GMCL1: variants seen among roughly 807,000 people sequenced by gnomAD.
GMCL1 encodes germ cell-less 1, spermatogenesis associated.
GMCL1 carries 54 observed loss-of-function variants against 75.5 expected under a neutral mutation model. The ratio of observed to expected loss-of-function variants is 0.71; its 90% CI spans 0.57 to 0.90. GMCL1 has a LOEUF of 0.90. Ranked by LOEUF, GMCL1 falls within the 40% of genes least tolerant of loss-of-function variation. GMCL1 has a pLI of 0.00. For missense variants in GMCL1, 537 were observed against 622.7 expected, an observed-to-expected ratio of 0.86 and a Z score of 1.47; for synonymous variants, 210 against 209.6, an observed-to-expected ratio of 1.00 and a Z score of -0.02.
At chr2:69,859,918 T>TA (rs200377986) in intron 9 of GMCL1, among the ~76,000 whole-genome samples, 414 of 150,430 alleles carry the variant, frequency 2.8e-3, no homozygotes, top group Non-Finnish European at 4.4e-3. Context: ...TTTAAGAACT[T>TA]AAAAAAAAAT....
chr2:69,840,989 A>G lies in GMCL1; in HGVS notation c.529A>G (p.Lys177Glu). ...ACTGTATCGAGATGATGTCTTGATA[A>G]AGCCCAGTCGAGTTGTTGCCATTTT... ...GSLYRDDVLI[K>E]PSRVVAILAA... Residue 177 changes from lysine (K) to glutamate (E), a missense_variant, in exon 4 of 14, where the codon AAG becomes GAG. Around this residue, in one of 3 missense-constraint regions of GMCL1, gnomAD observed 345 missense variants for 410.5 expected, o/e 0.84. Transcript: ENST00000282570. 1 of 1,614,086 alleles carries G rather than the reference A, an allele frequency of 6.2e-7. No individual in the cohort carries two copies. The highest frequency in any genetic ancestry group is 1.1e-5 in the South Asian group (1 of 91,068).
chr2:69,862,679 A>G (rs967484722), intron 10 of GMCL1, among the ~76,000 whole-genome samples: 1 of 152,110 alleles, frequency 6.6e-6, no homozygotes, highest in Non-Finnish European at 1.5e-5. Flanking sequence ...GAATCGCTTG[A>G]ACCCGGGAGG....
intron 1 of GMCL1, among the ~76,000 whole-genome samples, chr2:69,831,909 A>G (rs533052578): frequency 5.9e-5 from 9 of 152,300 alleles, no homozygotes; most frequent in African/African-American, 9.6e-5. Flanking sequence ...TTGCCAACCT[A>G]TAGCATAGTT....
At chr2:69,866,471 C>T (rs1002164342) in intron 11 of GMCL1, among the ~76,000 whole-genome samples, 15 of 152,038 alleles carry the variant, frequency 9.9e-5, no homozygotes, top group Admixed American at 9.8e-4. Context: ...ATTTTACGTT[C>T]ACATTGATTG....
chr2:69,833,391 G>A (rs762155453), intron 1 of GMCL1, among the ~76,000 whole-genome samples: 1 of 152,100 alleles, frequency 6.6e-6, no homozygotes, highest in Non-Finnish European at 1.5e-5. Context: ...AAGGCAAGCA[G>A]ATCACTTTAG....
At chr2:69,862,807 AAGTG>A (rs1675696269) in intron 10 of GMCL1, among the ~76,000 whole-genome samples, 1 of 152,208 alleles carries the variant, frequency 6.6e-6, no homozygotes, top group South Asian at 2.1e-4. Flanking sequence ...TGAAATCAAA[AAGTG>A]AGCTATTTAA....
Position 69,869,729 on chromosome 2 carries a change from G to A in GMCL1, c.1229G>A (p.Arg410His), listed in dbSNP as rs756300364. ...KLAKDGEYCW[R>H]WTGFNFGFDL... ...TCTTGTATTTTTTAGTACTGCTGGC[G>A]TTGGACAGGTTTTAACTTCGGCTTC... The change falls in exon 12 of 14, where the codon CGT becomes CAT. Residue 410 changes from arginine (R) to histidine (H), a missense_variant. Around this residue, in one of 3 missense-constraint regions of GMCL1, gnomAD observed 345 missense variants for 410.5 expected, o/e 0.84. Transcript: ENST00000282570. The A allele has an allele frequency of 1.4e-5, 23 of 1,613,700 alleles. No individual in the cohort carries two copies. The East Asian group carries it at 2.7e-4, about 19-fold the overall frequency.
Position 69,854,914 on chromosome 2 carries a change from T to C in GMCL1, c.1026T>C (p.Asp342=), listed in dbSNP as rs1295716517. The C allele has an allele frequency of 6.2e-7, 1 of 1,610,660 alleles. No individual in the cohort carries two copies. The change falls in exon 9 of 14, where the codon GAT becomes GAC. Residue 342 remains aspartate, a synonymous_variant. Coordinates refer to ENST00000282570, the MANE Select transcript of GMCL1 (RefSeq NM_178439.5). ...RHLRLQYIIS[D]LASARIIEQD... is the part of the protein sequence containing the mutation. ...TAAGGTTACAATATATTATCAGTGA[T>C]CTGGCTTCTGCAAGAATTATTGAAC...
intron 10 of GMCL1, among the ~76,000 whole-genome samples, chr2:69,863,042 T>C (rs1243214918): frequency 2.0e-5 from 3 of 152,214 alleles, no homozygotes; most frequent in Non-Finnish European, 4.4e-5. Flanking sequence ...GATACTGCAC[T>C]AGAATAAGTC....
chr2:69,833,088 T>C (rs1280379321), intron 1 of GMCL1, among the ~76,000 whole-genome samples: 1 of 152,204 alleles, frequency 6.6e-6, no homozygotes, highest in Non-Finnish European at 1.5e-5. Context: ...GGACACTGCC[T>C]ACTAGGATGC....
At chr2:69,863,471 A>G (rs992558353) in intron 10 of GMCL1, among the ~76,000 whole-genome samples, 5 of 152,178 alleles carry the variant, frequency 3.3e-5, no homozygotes, top group African/African-American at 4.8e-5. Context: ...ACTCTTGTCT[A>G]TGTTGCCAAG....
chr2:69,869,384 C>T (rs530223692), intron 11 of GMCL1, among the ~76,000 whole-genome samples: 13 of 134,702 alleles, frequency 9.7e-5, no homozygotes, highest in Non-Finnish European at 1.5e-4. Flanking sequence ...TGCCACTGCA[C>T]TCCAGCCTGA....
chr2:69,839,530 C>T lies in GMCL1; in HGVS notation c.458C>T (p.Pro153Leu), dbSNP rs1674921819. The change falls in exon 3 of 14, where the codon CCT becomes CTT. Residue 153 changes from proline to leucine, a missense_variant. Pro to Leu is a moderately conservative substitution (Grantham distance 98). Around this residue, in one of 3 missense-constraint regions of GMCL1, gnomAD observed 48 missense variants for 85.0 expected, o/e 0.56. Transcript: ENST00000282570. ...ATGAATATTATTGAACTGGAGATTC[C>T]TGACCAGAACATTGATGTAGAAGGT... ...SSMNIIELEI[P>L]DQNIDVEALQ... The T allele has an allele frequency of 1.3e-6, 2 of 1,592,052 alleles. No homozygotes were observed. Among genetic ancestry groups the T allele is most frequent in the African/African-American group, 2.7e-5 (2 of 74,498 alleles).
chr2:69,871,158 G>GACC (rs758697649), intron 12 of GMCL1, among the ~76,000 whole-genome samples: 10,351 of 152,066 alleles, frequency 0.068, 922 homozygotes, highest in Admixed American at 0.22. Context: ...AACAAAATGT[G>GACC]GTATATACAT....
intron 11 of GMCL1, chr2:69,869,417 CAAAAA>C (rs34136837): frequency 1.5e-3 from 94 of 64,016 alleles, no homozygotes; most frequent in South Asian, 7.6e-3. Flanking sequence ...GACTCTGTCT[CAAAAA>C]AAAAAAAAAA....
intron 1 of GMCL1, among the ~76,000 whole-genome samples, chr2:69,835,578 A>C (rs1198332855): frequency 6.6e-6 from 1 of 152,128 alleles, no homozygotes; most frequent in African/African-American, 2.4e-5. Flanking sequence ...TTGAGTAAGA[A>C]GACTACGAAG....
intron 7 of GMCL1, among the ~76,000 whole-genome samples, chr2:69,847,966 A>C (rs1290850543): frequency 6.6e-6 from 1 of 152,156 alleles, no homozygotes; most frequent in African/African-American, 2.4e-5. Flanking sequence ...TCAGTTAATG[A>C]TGGCATTTTT....
chr2:69,834,269 A>T (rs1283209240), intron 1 of GMCL1, among the ~76,000 whole-genome samples: 2 of 151,868 alleles, frequency 1.3e-5, no homozygotes, highest in African/African-American at 2.4e-5. Context: ...TAAAACCTAG[A>T]CCTCTTCCAT....
chr2:69,857,495 C>T (rs1017424987), intron 9 of GMCL1, among the ~76,000 whole-genome samples: 3 of 152,106 alleles, frequency 2.0e-5, no homozygotes, highest in Non-Finnish European at 4.4e-5. Context: ...CCACTCTGTT[C>T]CAACTTTCTA....
Sources: allele counts gnomAD v4.1 joint callset (sites outside exome capture counted in the v4.1 genomes callset), GRCh38; gene constraint gnomAD v4.1.1; regional missense constraint gnomAD v4.1.1; transcripts MANE v1.5; gene names NCBI Gene and HGNC (gene_info 2026-07-23, HGNC 2026-07-21).